Variants in ABCA3 observed in about 807,000 individuals in gnomAD.
ABCA3 encodes the protein phospholipid-transporting ATPase ABCA3.
ABCA3 carries 88 observed loss-of-function variants against 172.8 expected under a neutral mutation model. The ratio of observed to expected loss-of-function variants is 0.51; its 90% confidence interval spans 0.43 to 0.61. The LOEUF (loss-of-function observed/expected upper bound fraction) is 0.61, where lower values mean the gene tolerates loss of function less well. Among genes scored for constraint, ABCA3 ranks in the 20% least tolerant of loss-of-function variants. The pLI is 0.00. For missense variants in ABCA3, 2,164 were observed against 2,301.0 expected (o/e 0.94, Z 1.22); for synonymous variants, 1,066 against 983.8 (o/e 1.08, Z -1.56).
chr16:2,292,462 T>C (rs2093673552), intron 18 of ABCA3, among the ~76,000 whole-genome samples: 1 of 151,792 alleles, frequency 6.6e-6, no homozygotes, highest in African/African-American at 2.4e-5. Flanking sequence ...TAGCCACGTG[T>C]GGTAGCAGGT....
chr16:2,337,545 TTGA>T (rs2093753810), intron 1 of ABCA3, among the ~76,000 whole-genome samples: 1 of 147,248 alleles, frequency 6.8e-6, no homozygotes, highest in East Asian at 1.9e-4. Flanking sequence ...GGCTAATTGT[TTGA>T]TTTTTTTTTT....
Position 2,285,051 on chromosome 16 carries a change from C to T in ABCA3, c.3484-53G>A, listed in dbSNP as rs1217009090. ...TGCATGCCAAGCTGAGAGGAGCTCA[C>T]GGGTAGGGAAGGGGTGAGAGGAGCA... On this transcript the variant is annotated intron_variant, in intron 23 of 32. Transcript: ENST00000301732. This position sits in a 1 kb window ranked among gnomAD's most constrained non-coding sequence, Gnocchi z 4.7. 3.7e-5 allele frequency: 58 copies of T among 1,577,788 alleles called. No homozygotes were observed. The highest frequency in any genetic ancestry group is 3.3e-5 in the Non-Finnish European group (38 of 1,160,416).
At position 2,288,254 on chromosome 16, in the gene ABCA3, C is replaced by A. The variant is rs1409070251; in HGVS notation, c.2776G>T (p.Val926Leu). ...AGAGGCACCAGGACCTGTGCCGCCACCATTTTCCACTCGCGCCAGCTGTAT... is the reference window on the plus strand; with the variant it reads ...AGAGGCACCAGGACCTGTGCCGCCAACATTTTCCACTCGCGCCAGCTGTAT... ...AAYSWREWKM[V>L]AAQVLVPLTC... Residue 926 changes from valine (V) to leucine (L), a missense_variant, in exon 21 of 33, where the codon GTG becomes TTG. This residue lies in a region of ABCA3 where 1,343 missense variants were observed against 1,369.6 expected (regional missense o/e 0.98). Transcript: ENST00000301732. The A allele has an allele frequency of 1.9e-6, 3 of 1,592,176 alleles. No individual in the cohort carries two copies. Among genetic ancestry groups the A allele is most frequent in the Non-Finnish European group, 2.6e-6 (3 of 1,169,470 alleles).
At position 2,284,368 on chromosome 16, in the gene ABCA3, C is replaced by T. The variant is rs1273791706; in HGVS notation, c.3773G>A (p.Gly1258Glu). ...VFLVLPNHCL[G>E]MAVSSFYENY... is the part of the protein sequence containing the mutation. ...CTCGTAGAAACTGCTGACTGCCATC[C>T]CCAGACAGTGGTTGGGCAGCACCAG... Residue 1258 changes from glycine (G) to glutamate (E), a missense_variant, in exon 25 of 33, where the codon GGG becomes GAG. Coordinates refer to ENST00000301732, the MANE Select transcript of ABCA3 (RefSeq NM_001089.3). This position sits in a 1 kb window ranked among gnomAD's most constrained non-coding sequence, Gnocchi z 5.9. 1 of 1,613,990 alleles carries T rather than the reference C, an allele frequency of 6.2e-7. No homozygotes were observed. The highest frequency in any genetic ancestry group is 1.7e-5 in the Admixed American group (1 of 60,024).
Position 2,279,183 on chromosome 16 carries a change from C to T in ABCA3, c.4360-53G>A. The T allele has an allele frequency of 6.3e-7, 1 of 1,595,488 alleles. No homozygotes were observed. Among genetic ancestry groups the T allele is most frequent in the African/African-American group, 1.3e-5 (1 of 74,810 alleles). On this transcript the variant is annotated intron_variant, in intron 28 of 32. Transcript: ENST00000301732. The surrounding 1 kb of genome is among the most constrained non-coding windows in gnomAD (Gnocchi z 4.4). ...AGGCGGGTTGGAGGGAAGCCTCCTTCCTCCAGAGGACCACGGGGACTACCC... is the reference window on the plus strand; with the variant it reads ...AGGCGGGTTGGAGGGAAGCCTCCTTTCTCCAGAGGACCACGGGGACTACCC...
Position 2,277,623 on chromosome 16 carries a change from G to A in ABCA3, c.4957C>T (p.Pro1653Ser), listed in dbSNP as rs1291171384. Residue 1653 changes from proline (P) to serine (S), a missense_variant, in exon 32 of 33, where the codon CCG becomes TCG. This residue lies in a region of ABCA3 where 795 missense variants were observed against 881.9 expected (regional missense o/e 0.90). Transcript: ENST00000301732. This position sits in a 1 kb window ranked among gnomAD's most constrained non-coding sequence, Gnocchi z 5.3. ...TTCGCCCAGCTGAGGTCACGGCCCG[G>A]CAGGTGGTAATGGACCATGCCTTGG... ...EHQGMVHYHL[P>S]GRDLSWAKVF... 3 of 1,613,000 alleles carry A rather than the reference G, an allele frequency of 1.9e-6. No homozygotes were observed. The highest frequency in any genetic ancestry group is 2.2e-5 in the East Asian group (1 of 44,890).
intron 11 of ABCA3, among the ~76,000 whole-genome samples, chr16:2,304,757 G>A (rs2093694974): frequency 1.3e-5 from 2 of 149,532 alleles, no homozygotes; most frequent in South Asian, 4.3e-4. Context: ...CTCACTGCAA[G>A]CTCCACCTCC....
chr16:2,288,727 T>C (rs1333348682), intron 20 of ABCA3, among the ~76,000 whole-genome samples: 1 of 152,180 alleles, frequency 6.6e-6, no homozygotes, highest in East Asian at 1.9e-4. Context: ...GTATTTTTAG[T>C]AGAGATAGGG....
chr16:2,310,489 A>G (rs937830776), intron 10 of ABCA3, among the ~76,000 whole-genome samples: 2 of 151,904 alleles, frequency 1.3e-5, no homozygotes, highest in African/African-American at 4.8e-5. Context: ...TGAGAAGAGC[A>G]GCAGTGGTTT....
chr16:2,283,495 CA>C lies in ABCA3; in HGVS notation c.3863-138del, dbSNP rs1409629210. On this transcript the variant is annotated intron_variant, in intron 25 of 32. Coordinates refer to ENST00000301732, the MANE Select transcript of ABCA3 (RefSeq NM_001089.3). This position sits in a 1 kb window ranked among gnomAD's most constrained non-coding sequence, Gnocchi z 5.4. ...CCCCTCCATGGGGAGATGTGAAGGC[CA>C]GTAGGTCACAGCTGCCTCTCGAGGC... 122 of 963,182 alleles carry C rather than the reference CA, an allele frequency of 1.3e-4. 1 individual carries two copies. In the East Asian group the frequency reaches 3.2e-3, roughly 25 times the overall value. The allele number at this position is 963,182 out of a possible 1,614,324, so 59.7% of individuals were successfully genotyped here. A position where few individuals can be genotyped will look rare whatever the true frequency, so the allele number is the denominator to read the frequency against.
Position 2,284,705 on chromosome 16 carries a change from C to T in ABCA3, c.3703+74G>A, listed in dbSNP as rs2093660073. ...TGCCTGAGTCCCGCCTCGGCTGTGG[C>T]TGGTGCCTCCCTGTCTGGGCGGAGT... On this transcript the variant is annotated intron_variant, in intron 24 of 32. Coordinates refer to ENST00000301732, the MANE Select transcript of ABCA3 (RefSeq NM_001089.3). This position sits in a 1 kb window ranked among gnomAD's most constrained non-coding sequence, Gnocchi z 5.9. 2.0e-6 allele frequency: 3 copies of T among 1,499,958 alleles called. No homozygotes were observed. In the East Asian group the frequency reaches 7.2e-5, roughly 36 times the overall value. 92.9% of individuals were successfully genotyped at this position (1,499,958 alleles called of 1,614,324 possible).
intron 10 of ABCA3, among the ~76,000 whole-genome samples, chr16:2,314,857 G>A (rs530418065): frequency 1.6e-4 from 23 of 148,234 alleles, no homozygotes; most frequent in Non-Finnish European, 2.8e-4. Flanking sequence ...ACAGGCATGA[G>A]CCATAGTGCC....
chr16:2,330,288 CA>C (rs562749881), intron 1 of ABCA3, among the ~76,000 whole-genome samples: 13,479 of 77,834 alleles, frequency 0.17, 2,559 homozygotes, highest in African/African-American at 0.49. Flanking sequence ...GACCCTGTCT[CA>C]AAAAAAAAAA....
intron 12 of ABCA3, 46 bp from the exon 13 acceptor site, chr16:2,300,194 G>A (rs772009101): frequency 1.1e-5 from 17 of 1,611,546 alleles, no homozygotes; most frequent in South Asian, 4.4e-5. Flanking sequence ...TTTGTGACGA[G>A]CAAAGCAACA....
chr16:2,284,826 A>G lies in ABCA3; in HGVS notation c.3656T>C (p.Leu1219Pro). Residue 1219 changes from leucine (L) to proline (P), a missense_variant, in exon 24 of 33, where the codon CTG (leucine) becomes CCG (proline). Around this residue, in one of 3 missense-constraint regions of ABCA3, gnomAD observed 795 missense variants for 881.9 expected, o/e 0.90. Transcript: ENST00000301732. This position sits in a 1 kb window ranked among gnomAD's most constrained non-coding sequence, Gnocchi z 5.9. ...AYTRLTIFNI[L>P]SGIATFLMVT... ...CATCAGGAAGGTGGCGATGCCTGAC[A>G]GGATGTTGAAGATGGTCAGCCTCGT... 6.2e-7 allele frequency: 1 copy of G among 1,613,924 alleles called. No homozygotes were observed. The highest frequency in any genetic ancestry group is 8.5e-7 in the Non-Finnish European group (1 of 1,179,962).
rs896878101 is a variant in ABCA3, at chr16:2,281,029, T to C, written c.4357A>G (p.Lys1453Glu). ...AGAGCCTCCCTGGCTGCACCCACCT[T>C]TCCGACATCAGAGCTGATTCTGTGA... ...GGHRISSDVG[K>E]VRQRIGYCPQ... The change falls in exon 28 of 33, where the codon AAG (lysine) becomes GAG (glutamate). Residue 1453 changes from lysine (K) to glutamate (E), a missense_variant and splice_region_variant. Lys to Glu is a moderately conservative substitution (Grantham distance 56). Coordinates refer to ENST00000301732, the MANE Select transcript of ABCA3 (RefSeq NM_001089.3). The surrounding 1 kb of genome is among the most constrained non-coding windows in gnomAD (Gnocchi z 4.7). 3 of 1,613,748 alleles carry C rather than the reference T, an allele frequency of 1.9e-6. No individual in the cohort carries two copies. Among genetic ancestry groups the C allele is most frequent in the Non-Finnish European group, 2.5e-6 (3 of 1,179,964 alleles).
At chr16:2,282,987 G>A (rs1012865223) in intron 26 of ABCA3, among the ~76,000 whole-genome samples, 199 bp downstream of exon 26, 3 of 152,236 alleles carry the variant, frequency 2.0e-5, no homozygotes, top group Non-Finnish European at 2.9e-5. Context: ...CTCACAACTC[G>A]ACAGCCCTTG....
At chr16:2,318,073 C>T (rs1188157721) in intron 8 of ABCA3, among the ~76,000 whole-genome samples, 6 of 152,228 alleles carry the variant, frequency 3.9e-5, no homozygotes, top group East Asian at 1.9e-4. Flanking sequence ...GATCGTCCCC[C>T]GAAGCTACGT....
intron 10 of ABCA3, among the ~76,000 whole-genome samples, chr16:2,314,872 CTTTTTT>C (rs35616252): frequency 3.2e-5 from 3 of 93,472 alleles, no homozygotes; most frequent in African/African-American, 4.3e-5. Flanking sequence ...AGTGCCTGGT[CTTTTTT>C]TTTTTTTTTT....
Sources: gnomAD v4.1 joint callset for allele counts (sites outside exome capture counted in the v4.1 genomes callset) on GRCh38, gnomAD v4.1.1 for gene constraint, gnomAD v4.1.1 regional missense constraint, Gnocchi (gnomAD v3.1) non-coding constraint, MANE v1.5 for transcripts, NCBI Gene and HGNC (gene_info 2026-07-23, HGNC 2026-07-21) for gene names.